Variants in HEXB observed in about 807,000 individuals in gnomAD.
HEXB encodes beta-hexosaminidase subunit beta.
Under a neutral mutation model 71.2 loss-of-function variants are expected in HEXB, and 51 were observed. That is an observed-to-expected ratio of 0.72 (90% CI 0.57 to 0.90). The LOEUF (loss-of-function observed/expected upper bound fraction) is 0.90, where lower values mean the gene tolerates loss of function less well. Ranked by LOEUF, HEXB falls within the 40% of genes least tolerant of loss-of-function variation. The probability of loss-of-function intolerance (pLI) is 0.00; values close to 1 mark genes in which losing one functional copy is unlikely to be tolerated. For synonymous variants in HEXB, 266 were observed against 249.3 expected (o/e 1.07, Z -0.63); for missense variants, 617 against 677.0 (o/e 0.91, Z 0.98).
chr5:74,716,147 G>T (rs1223449939), intron 8 of HEXB, among the ~76,000 whole-genome samples: 1 of 151,784 alleles, frequency 6.6e-6, no homozygotes, highest in Non-Finnish European at 1.5e-5. Flanking sequence ...TGGGCAACAT[G>T]ACTCCTGAGA....
intron 1 of HEXB, among the ~76,000 whole-genome samples, chr5:74,668,739 A>G (rs576723347): frequency 6.6e-6 from 1 of 152,358 alleles, no homozygotes; most frequent in South Asian, 2.1e-4. Flanking sequence ...ATAGGTAACT[A>G]TAGTGTAATT....
intron 12 of HEXB, 42 bp downstream of exon 12, chr5:74,720,560 T>A: frequency 1.3e-6 from 2 of 1,589,134 alleles, no homozygotes; most frequent in Non-Finnish European, 8.6e-7. Flanking sequence ...TAAGGTGCCT[T>A]AGCTTTCCTT....
chr5:74,721,132 C>G lies in HEXB; in HGVS notation c.1628C>G (p.Ala543Gly). 6.2e-7 allele frequency: 1 copy of G among 1,612,800 alleles called. No homozygotes were observed. The highest frequency in any genetic ancestry group is 1.1e-5 in the South Asian group (1 of 91,038). Residue 543 changes from alanine to glycine, a missense_variant, in exon 14 of 14, where the codon GCA becomes GGA. Ala to Gly is a moderately conservative substitution (Grantham distance 60). Coordinates refer to ENST00000261416, the MANE Select transcript of HEXB (RefSeq NM_000521.4). The part of the protein sequence containing the change: ...RCRMVERGIA[A>G]QPLYAGYCNH... ...GTTATCTACAGACGTGGAATAGCTG[C>G]ACAACCTCTTTATGCTGGATATTGT...
chr5:74,686,585 G>C (rs1205751665), intron 1 of HEXB, among the ~76,000 whole-genome samples: 2 of 152,188 alleles, frequency 1.3e-5, no homozygotes, highest in Non-Finnish European at 2.9e-5. Flanking sequence ...TCAAGCTGCA[G>C]AGGCCCAAGA....
intron 1 of HEXB, among the ~76,000 whole-genome samples, chr5:74,688,926 G>A (rs1748932671): frequency 6.6e-6 from 1 of 152,156 alleles, no homozygotes. Context: ...CACATACAGA[G>A]AAACGAAGTT....
intron 1 of HEXB, among the ~76,000 whole-genome samples, chr5:74,644,891 C>T (rs575042144): frequency 1.8e-4 from 27 of 148,816 alleles, no homozygotes; most frequent in African/African-American, 6.7e-4. Flanking sequence ...CCTGCCTCAG[C>T]CTCTCAAGTA....
At chr5:74,673,036 A>C (rs1748567182) in intron 1 of HEXB, among the ~76,000 whole-genome samples, 1 of 152,206 alleles carries the variant, frequency 6.6e-6, no homozygotes, top group African/African-American at 2.4e-5. Flanking sequence ...CTTGGTCTGC[A>C]TTAACAGATC....
intron 6 of HEXB, among the ~76,000 whole-genome samples, chr5:74,709,281 A>G (rs1448473990): frequency 1.3e-5 from 2 of 152,172 alleles, no homozygotes; most frequent in Non-Finnish European, 2.9e-5. Context: ...TCTCTGGGAC[A>G]CATTCAAAGC....
chr5:74,715,047 T>G (rs1749638069), intron 7 of HEXB, among the ~76,000 whole-genome samples: 1 of 152,170 alleles, frequency 6.6e-6, no homozygotes, highest in African/African-American at 2.4e-5. Flanking sequence ...TGGCAACTGA[T>G]GGACTCCAGG....
rs567422772 is a variant in HEXB, at chr5:74,685,569, CCCGGCCCGG to C, written c.299+15_299+23del. The C allele has an allele frequency of 6.5e-6, 10 of 1,536,988 alleles. No homozygotes were observed. The South Asian group carries it at 9.9e-5, about 15-fold the overall frequency. On this transcript the variant is annotated intron_variant, in intron 1 of 13. Coordinates refer to ENST00000261416, the MANE Select transcript of HEXB (RefSeq NM_000521.4). ...AGGAAGCGTTTCGACGGTGAGCGCT[CCCGGCCCGG>C]CCGGGAGTTGTCCTGGGGGAGGGGA...
At chr5:74,712,038 C>G (rs1269054456) in intron 6 of HEXB, among the ~76,000 whole-genome samples, 3 of 146,152 alleles carry the variant, frequency 2.1e-5, no homozygotes, top group Non-Finnish European at 4.5e-5. Flanking sequence ...ACCCAAATGT[C>G]CAACAATGAT....
intron 3 of HEXB, among the ~76,000 whole-genome samples, chr5:74,695,811 G>A (rs1029320682): frequency 7.6e-5 from 11 of 145,442 alleles, no homozygotes; most frequent in African/African-American, 2.5e-4. Flanking sequence ...ACTGCACTCC[G>A]TCCTGGGTGA....
At chr5:74,661,525 G>C (rs1333953890) in intron 1 of HEXB, among the ~76,000 whole-genome samples, 60 of 22,618 alleles carry the variant, frequency 2.7e-3, no homozygotes, top group African/African-American at 9.8e-3. Flanking sequence ...GTGTGTGTGT[G>C]TGTGTGTGTG....
At chr5:74,694,989 G>T (rs1053940740) in intron 3 of HEXB, among the ~76,000 whole-genome samples, 2 of 151,528 alleles carry the variant, frequency 1.3e-5, no homozygotes, top group African/African-American at 4.8e-5. Flanking sequence ...AATAAATAAA[G>T]ATTTGGAATC....
intron 1 of HEXB, among the ~76,000 whole-genome samples, chr5:74,650,203 G>A (rs1275628416): frequency 1.3e-5 from 2 of 152,302 alleles, no homozygotes; most frequent in African/African-American, 2.4e-5. Context: ...GAACCTCCTC[G>A]AGCATGTTAC....
At chr5:74,696,607 G>A (rs1749117980) in intron 3 of HEXB, 86 bp from the exon 4 acceptor site, 1 of 749,966 alleles carries the variant, frequency 1.3e-6, no homozygotes, top group Non-Finnish European at 2.4e-6. Flanking sequence ...TGCCTTACCT[G>A]GTTATGAGTC....
intron 1 of HEXB, among the ~76,000 whole-genome samples, chr5:74,662,977 C>A (rs1748355433): frequency 6.6e-6 from 1 of 152,176 alleles, no homozygotes; most frequent in Admixed American, 6.5e-5. Flanking sequence ...TTCCCCTCCC[C>A]ACCACCATCA....
intron 3 of HEXB, among the ~76,000 whole-genome samples, chr5:74,694,239 C>G (rs958318886): frequency 1.3e-5 from 2 of 152,342 alleles, no homozygotes; most frequent in Middle Eastern, 3.4e-3. Context: ...TTATTACATT[C>G]CTGCAGTGCT....
chr5:74,705,121 G>T (rs1179065424), intron 5 of HEXB, 98 bp from the exon 6 acceptor site: 14 of 690,606 alleles, frequency 2.0e-5, no homozygotes, highest in Non-Finnish European at 3.1e-5. Context: ...AAGTTTTAAA[G>T]GAAGCAGACA....
Sources: allele counts gnomAD v4.1 joint callset (sites outside exome capture counted in the v4.1 genomes callset), GRCh38; gene constraint gnomAD v4.1.1; transcripts MANE v1.5; gene names NCBI Gene and HGNC (gene_info 2026-07-23, HGNC 2026-07-21).